Variants in PHYHIPL observed in about 807,000 individuals in gnomAD.
PHYHIPL encodes the protein phytanoyl-CoA 2-hydroxylase interacting protein like, also known as phytanoyl-CoA hydroxylase-interacting protein-like.
A neutral mutation model predicts 33.4 loss-of-function variants in PHYHIPL; 9 were observed. The ratio of observed to expected loss-of-function variants is 0.27; its 90% CI spans 0.16 to 0.47. The LOEUF is 0.47. Ranked by LOEUF, PHYHIPL falls within the 20% of genes least tolerant of loss-of-function variation. PHYHIPL has a pLI of 0.99. For synonymous variants in PHYHIPL, 153 were observed against 154.1 expected, an observed-to-expected ratio of 0.99 and a Z score of 0.05; for missense variants, 365 against 460.7, an observed-to-expected ratio of 0.79 and a Z score of 1.90.
chr10:59,190,430 G>T (rs975214970), intron 1 of PHYHIPL, among the ~76,000 whole-genome samples: 1 of 151,808 alleles, frequency 6.6e-6, no homozygotes, highest in Non-Finnish European at 1.5e-5. Context: ...CGATTCATCA[G>T]TCATTTCATT....
intron 1 of PHYHIPL, among the ~76,000 whole-genome samples, chr10:59,196,764 T>C (rs1797880270): frequency 6.6e-6 from 1 of 152,168 alleles, no homozygotes; most frequent in Non-Finnish European, 1.5e-5. Context: ...ATGAAAAAAG[T>C]TTTAAGAATA....
intron 1 of PHYHIPL, among the ~76,000 whole-genome samples, chr10:59,215,762 G>A (rs538538941): frequency 6.6e-6 from 1 of 151,966 alleles, no homozygotes; most frequent in South Asian, 2.1e-4. Context: ...TTAAGCTGAG[G>A]CTAAAGGGTG....
chr10:59,212,770 A>G (rs1839498517), intron 1 of PHYHIPL, among the ~76,000 whole-genome samples: 4 of 152,284 alleles, frequency 2.6e-5, no homozygotes, highest in South Asian at 2.1e-4. Context: ...TTCATTTATC[A>G]TTTCCATACA....
chr10:59,245,771 T>C lies in PHYHIPL; in HGVS notation c.*180T>C, dbSNP rs914385822. On this transcript the variant is annotated 3_prime_UTR_variant, in exon 5 of 5. Transcript: ENST00000373880. Reference sequence around the variant, plus strand: ...ACCATTTTAGTGTTTTCCTATTCCCTACCCCTCCCACTACTTTCAATGATG... The same window carrying C: ...ACCATTTTAGTGTTTTCCTATTCCCCACCCCTCCCACTACTTTCAATGATG... 1.6e-6 allele frequency: 1 copy of C among 609,092 alleles called. No homozygotes were observed. The highest frequency in any genetic ancestry group is 3.5e-5 in the Admixed American group (1 of 28,562). 37.7% of individuals were successfully genotyped at this position (609,092 alleles called of 1,614,324 possible).
At chr10:59,199,837 T>G (rs545428172) in intron 1 of PHYHIPL, among the ~76,000 whole-genome samples, 3 of 152,326 alleles carry the variant, frequency 2.0e-5, no homozygotes, top group South Asian at 4.1e-4. Context: ...GGAATTTCAC[T>G]CATGATTTGG....
chr10:59,231,925 T>C (rs1840091879), intron 1 of PHYHIPL, among the ~76,000 whole-genome samples: 1 of 152,058 alleles, frequency 6.6e-6, no homozygotes, highest in East Asian at 1.9e-4. Flanking sequence ...AAAATTAAAA[T>C]GTACCTCCAC....
intron 1 of PHYHIPL, among the ~76,000 whole-genome samples, chr10:59,193,795 A>G (rs1838840250): frequency 6.6e-6 from 1 of 152,164 alleles, no homozygotes; most frequent in Admixed American, 6.5e-5. Flanking sequence ...TCCAATGTTA[A>G]TTTATGTGGT....
chr10:59,223,368 CTT>C (rs1343133633), intron 1 of PHYHIPL, among the ~76,000 whole-genome samples: 1 of 152,120 alleles, frequency 6.6e-6, no homozygotes, highest in Admixed American at 6.5e-5. Context: ...TGAGTGCTAT[CTT>C]AATATGCCAG....
chr10:59,177,208 G>A, intron 1 of PHYHIPL: 1 of 579,148 alleles, frequency 1.7e-6, no homozygotes, highest in Non-Finnish European at 3.0e-6. Context: ...CGCCGCCTTC[G>A]CCCGCCTGGC....
chr10:59,211,113 C>T (rs1362994510), intron 1 of PHYHIPL, among the ~76,000 whole-genome samples: 1 of 152,064 alleles, frequency 6.6e-6, no homozygotes, highest in Non-Finnish European at 1.5e-5. Context: ...TCATGCCTGC[C>T]TGTAATCCCT....
intron 4 of PHYHIPL, among the ~76,000 whole-genome samples, chr10:59,242,703 G>GAA (rs1440046909): frequency 6.6e-6 from 1 of 152,060 alleles, no homozygotes; most frequent in African/African-American, 2.4e-5. Context: ...CAAAGAAATA[G>GAA]AAGATACAAA....
At chr10:59,176,557 A>C (rs544806773), upstream of PHYHIPL, 231,956 of 232,158 alleles carry the variant, frequency 1, 115,877 homozygotes, top group East Asian at 1. Context: ...TCGAAGCCCT[A>C]TACATCACGT....
At chr10:59,181,954 A>G (rs1336569011) in intron 1 of PHYHIPL, among the ~76,000 whole-genome samples, 2 of 152,216 alleles carry the variant, frequency 1.3e-5, no homozygotes, top group Non-Finnish European at 2.9e-5. Flanking sequence ...TTCACTCTCT[A>G]TAGAATGCTA....
At chr10:59,184,496 G>A (rs929977282) in intron 1 of PHYHIPL, among the ~76,000 whole-genome samples, 4 of 152,122 alleles carry the variant, frequency 2.6e-5, no homozygotes, top group Non-Finnish European at 2.9e-5. Context: ...GCGATTAGGC[G>A]AGTCAGGCAG....
At chr10:59,184,897 G>C (rs1018034479) in intron 1 of PHYHIPL, among the ~76,000 whole-genome samples, 35 of 149,516 alleles carry the variant, frequency 2.3e-4, no homozygotes, top group African/African-American at 7.9e-4. Context: ...AGAATGTGCA[G>C]TGTTTAGTTT....
chr10:59,228,308 T>C (rs1038574515), intron 1 of PHYHIPL, among the ~76,000 whole-genome samples: 4 of 152,148 alleles, frequency 2.6e-5, no homozygotes, highest in Non-Finnish European at 4.4e-5. Flanking sequence ...CAAAACAATA[T>C]GTAAATGTTA....
chr10:59,221,516 C>T (rs897448602), intron 1 of PHYHIPL, among the ~76,000 whole-genome samples: 35 of 152,016 alleles, frequency 2.3e-4, no homozygotes, highest in African/African-American at 8.4e-4. Flanking sequence ...CATCAATGAT[C>T]ACATCCATTT....
intron 1 of PHYHIPL, among the ~76,000 whole-genome samples, chr10:59,181,146 A>G (rs1453389100): frequency 3.3e-5 from 5 of 152,208 alleles, no homozygotes; most frequent in Admixed American, 3.3e-4. Flanking sequence ...TAAGTAAAGC[A>G]TTACTTTCAT....
intron 1 of PHYHIPL, among the ~76,000 whole-genome samples, chr10:59,180,257 T>TATACACAC (rs1554854118): frequency 3.1e-4 from 37 of 118,940 alleles, no homozygotes; most frequent in African/African-American, 1.2e-3. Flanking sequence ...ATCATATATA[T>TATACACAC]ACACACACAC....
Sources: allele counts gnomAD v4.1 joint callset (sites outside exome capture counted in the v4.1 genomes callset), GRCh38; gene constraint gnomAD v4.1.1; transcripts MANE v1.5; gene names NCBI Gene and HGNC (gene_info 2026-07-23, HGNC 2026-07-21).